The following EPM2A variants were observed in gnomAD, a reference collection of about 807,000 sequenced individuals.
EPM2A encodes laforin.
Under a neutral mutation model 26.5 loss-of-function variants are expected in EPM2A, and 21 were observed. That is an observed-to-expected ratio of 0.79 (90% CI 0.56 to 1.14). The LOEUF (loss-of-function observed/expected upper bound fraction) is 1.14, where lower values mean the gene tolerates loss of function less well. Among genes scored for constraint, EPM2A ranks in the 50% most tolerant of loss-of-function variants. The pLI is 0.00. For missense variants in EPM2A, 458 were observed against 440.8 expected (o/e 1.04, Z -0.35); for synonymous variants, 217 against 177.6 (o/e 1.22, Z -1.76).
intron 2 of EPM2A, chr6:145,638,649 A>C (rs1776867487): frequency 6.6e-6 from 1 of 152,238 alleles, no homozygotes; most frequent in Non-Finnish European, 1.5e-5. Flanking sequence ...ATAACTAAAG[A>C]TAAACTCTGA....
intron 2 of EPM2A, among the ~76,000 whole-genome samples, chr6:145,571,549 T>G (rs898898215): frequency 2.0e-5 from 3 of 152,226 alleles, no homozygotes; most frequent in African/African-American, 4.8e-5. Context: ...TCCATTTCAG[T>G]GAGGACAAAC....
rs61095394 is a variant in EPM2A, at chr6:145,626,456, G to T, written c.*960C>A. On this transcript the variant is annotated 3_prime_UTR_variant, in exon 4 of 4. Transcript: ENST00000367519. ...GCCCATCATGTTTTTAAATTAGCTT[G>T]CACAAAATACAACTAATTTCCTAGA... 759 of 985,814 alleles carry T rather than the reference G, an allele frequency of 7.7e-4. 3 individuals are homozygous for T. The African/African-American group carries it at 0.012, about 16-fold the overall frequency. 61.1% of individuals were successfully genotyped at this position (985,814 alleles called of 1,614,324 possible). A position where few individuals can be genotyped will look rare whatever the true frequency, so the allele number is the denominator to read the frequency against.
chr6:145,571,856 C>T (rs192670387), intron 2 of EPM2A, among the ~76,000 whole-genome samples: 1 of 152,306 alleles, frequency 6.6e-6, no homozygotes, highest in East Asian at 1.9e-4. Context: ...ATGGGTCATC[C>T]TATCCACTTG....
chr6:145,442,324 T>G (rs1779075032), intron 4 of EPM2A, among the ~76,000 whole-genome samples: 1 of 152,288 alleles, frequency 6.6e-6, no homozygotes, highest in Admixed American at 6.5e-5. Context: ...ATTGTATTAG[T>G]CCATTTTCAC....
chr6:145,525,081 G>A (rs139137356), intron 2 of EPM2A, among the ~76,000 whole-genome samples: 146 of 152,014 alleles, frequency 9.6e-4, no homozygotes, highest in African/African-American at 2.7e-3. Context: ...ATGACTGTAC[G>A]TATGCAGCTT....
Position 145,626,710 on chromosome 6 carries a change from T to A in EPM2A, c.*706A>T, listed in dbSNP as rs184781317. 3.0e-6 allele frequency: 3 copies of A among 986,008 alleles called. No homozygotes were observed. The East Asian group carries it at 3.4e-4, about 112-fold the overall frequency. The allele number at this position is 986,008 out of a possible 1,614,324, so 61.1% of individuals were successfully genotyped here. On this transcript the variant is annotated 3_prime_UTR_variant, in exon 4 of 4. Transcript: ENST00000367519. ...CTACCTATGCTCATTAAGCCTCAAT[T>A]TAACTTCTTGACATCTCAACTATAA...
chr6:145,490,375 G>T, intron 4 of EPM2A: 1 of 1,069,830 alleles, frequency 9.3e-7, no homozygotes, highest in Non-Finnish European at 1.4e-6. Flanking sequence ...CTCTATTCCA[G>T]TTTGGCATGC....
chr6:145,413,792 G>A (rs11155418), intron 4 of EPM2A, among the ~76,000 whole-genome samples: 18,220 of 152,140 alleles, frequency 0.12, 1,158 homozygotes, highest in South Asian at 0.24. Context: ...TTATTTTCAC[G>A]TAAAAACTCC....
chr6:145,452,447 C>T (rs1439665674), intron 4 of EPM2A, among the ~76,000 whole-genome samples: 5 of 124,174 alleles, frequency 4.0e-5, no homozygotes, highest in African/African-American at 1.5e-4. Flanking sequence ...AGATGGAGAC[C>T]ATCCTGGCTA....
At chr6:145,683,113 T>C (rs1177085893) in intron 2 of EPM2A, among the ~76,000 whole-genome samples, 1 of 152,152 alleles carries the variant, frequency 6.6e-6, no homozygotes, top group Non-Finnish European at 1.5e-5. Context: ...TTACCCAGTT[T>C]CATGTGAAGG....
chr6:145,492,008 C>T (rs773873094), intron 4 of EPM2A: 38 of 390,238 alleles, frequency 9.7e-5, no homozygotes, highest in Non-Finnish European at 1.7e-4. Context: ...CAGTCCCGAT[C>T]TTGCTGTTTA....
chr6:145,540,062 G>C (rs545400117), intron 2 of EPM2A, among the ~76,000 whole-genome samples: 1 of 152,154 alleles, frequency 6.6e-6, no homozygotes, highest in East Asian at 1.9e-4. Flanking sequence ...CACAATAAAG[G>C]CTCTTGCCTA....
At chr6:145,430,784 A>G (rs1778911169) in intron 4 of EPM2A, among the ~76,000 whole-genome samples, 1 of 152,212 alleles carries the variant, frequency 6.6e-6, no homozygotes, top group South Asian at 2.1e-4. Context: ...GAGAAATGGA[A>G]AGACCAAAAT....
chr6:145,689,807 A>G (rs1222089305), intron 1 of EPM2A, among the ~76,000 whole-genome samples: 3 of 152,244 alleles, frequency 2.0e-5, no homozygotes, highest in Non-Finnish European at 2.9e-5. Flanking sequence ...GTGTCAGAGA[A>G]GGATGAGTAG....
At chr6:145,450,020 A>T (rs1184960864) in intron 4 of EPM2A, among the ~76,000 whole-genome samples, 1 of 151,966 alleles carries the variant, frequency 6.6e-6, no homozygotes, top group Admixed American at 6.6e-5. Flanking sequence ...TAATTAAAAT[A>T]AAAATAATAG....
chr6:145,500,876 C>T (rs535902729), downstream of EPM2A, among the ~76,000 whole-genome samples: 1 of 152,212 alleles, frequency 6.6e-6, no homozygotes, highest in South Asian at 2.1e-4. Context: ...CAAATGTCCT[C>T]AGGTTTGGTT....
chr6:145,591,765 T>C (rs1781276442), intron 2 of EPM2A, among the ~76,000 whole-genome samples: 1 of 152,060 alleles, frequency 6.6e-6, no homozygotes, highest in Non-Finnish European at 1.5e-5. Flanking sequence ...GAGATACATT[T>C]GTTAAGGTAA....
chr6:145,453,713 G>A (rs376689133), intron 4 of EPM2A, among the ~76,000 whole-genome samples: 4 of 152,204 alleles, frequency 2.6e-5, no homozygotes, highest in Admixed American at 1.3e-4. Flanking sequence ...TAATTCATGA[G>A]TGCTTTTTAT....
Position 145,627,474 on chromosome 6 carries a change from G to C in EPM2A, c.938C>G (p.Ala313Gly), listed in dbSNP as rs1284108660. The C allele has an allele frequency of 6.2e-7, 1 of 1,614,120 alleles. No homozygotes were observed. The highest frequency in any genetic ancestry group is 8.5e-7 in the Non-Finnish European group (1 of 1,180,056). Reference sequence around the variant, plus strand: ...AAATTTCTGGAAAAAATCTTCTTGTGCCCGGGCCAAGGCCTCTTCGTCAAT... The same window carrying C: ...AAATTTCTGGAAAAAATCTTCTTGTCCCCGGGCCAAGGCCTCTTCGTCAAT... Reference protein sequence around the residue: ...VYIDEEALARAQEDFFQKFGK... With the variant: ...VYIDEEALARGQEDFFQKFGK... Residue 313 changes from alanine (A) to glycine (G), a missense_variant, in exon 4 of 4, where the codon GCA becomes GGA. Physicochemically the swap from Ala to Gly is moderately conservative, Grantham distance 60. Coordinates refer to ENST00000367519, the MANE Select transcript of EPM2A (RefSeq NM_005670.4).
Sources: allele counts gnomAD v4.1 joint callset (sites outside exome capture counted in the v4.1 genomes callset), GRCh38; gene constraint gnomAD v4.1.1; transcripts MANE v1.5; gene names NCBI Gene and HGNC (gene_info 2026-07-23, HGNC 2026-07-21).